TRPM8: variants seen among roughly 807,000 people sequenced by gnomAD.
The protein encoded by TRPM8 is transient receptor potential cation channel subfamily M member 8.
A neutral mutation model predicts 133.7 loss-of-function variants in TRPM8; 110 were observed. The observed-to-expected ratio is 0.82, with a 90% confidence interval of 0.70 to 0.96. The LOEUF (loss-of-function observed/expected upper bound fraction) is 0.96, where lower values mean the gene tolerates loss of function less well. Among genes scored for constraint, TRPM8 ranks in the 40% least tolerant of loss-of-function variants. The probability of loss-of-function intolerance (pLI) is 0.00; values close to 1 mark genes in which losing one functional copy is unlikely to be tolerated. For missense variants in TRPM8, 1,291 were observed against 1,379.5 expected (o/e 0.94, Z 1.02); for synonymous variants, 535 against 532.3 (o/e 1.01, Z -0.07).
rs11563030 is a variant in TRPM8, at chr2:233,988,435, G to A, written c.2939+2570G>A. On this transcript the variant is annotated intron_variant, in intron 21 of 25. Transcript: ENST00000324695. ...TTGAGAATGGCGAACTCTGGAGGGT[G>A]AAGATTGTGCCCGCCATCTCAGCAC... Among the ~76,000 whole-genome samples, 698 of 152,210 alleles carry A rather than the reference G, an allele frequency of 4.6e-3. 9 individuals carry two copies. Among genetic ancestry groups the A allele is most frequent in the African/African-American group, 0.016 (673 of 41,518 alleles).
intron 21 of TRPM8, among the ~76,000 whole-genome samples, chr2:233,993,309 T>G (rs2125336069): frequency 6.6e-6 from 1 of 152,332 alleles, no homozygotes; most frequent in East Asian, 1.9e-4. Context: ...GGCCGTGCAG[T>G]CAACCCAGTT....
At chr2:233,927,914 C>CTCTT (rs1691592087) in intron 2 of TRPM8, among the ~76,000 whole-genome samples, 1 of 52,702 alleles carries the variant, frequency 1.9e-5, no homozygotes, top group Admixed American at 2.3e-4. Context: ...TTCTTTCTCT[C>CTCTT]TCTCTCTCTT....
At chr2:234,014,369 A>G (rs1692909393) in intron 24 of TRPM8, among the ~76,000 whole-genome samples, 193 bp from the exon 25 acceptor site, 1 of 152,206 alleles carries the variant, frequency 6.6e-6, no homozygotes, top group Non-Finnish European at 1.5e-5. Flanking sequence ...TGCTAGTGAT[A>G]TGATTTCAGA....
intron 17 of TRPM8, among the ~76,000 whole-genome samples, chr2:233,972,187 T>C (rs1280464898): frequency 6.6e-6 from 1 of 151,030 alleles, no homozygotes; most frequent in East Asian, 1.9e-4. Context: ...TTACAATCCC[T>C]GAGCTAGACA....
chr2:233,999,760 C>T (rs939956724), intron 22 of TRPM8, among the ~76,000 whole-genome samples: 3 of 152,194 alleles, frequency 2.0e-5, no homozygotes, highest in African/African-American at 7.2e-5. Context: ...TCGAGCAGTC[C>T]CACGTTATCT....
Position 233,947,111 on chromosome 2 carries a change from C to T in TRPM8, c.898C>T (p.Pro300Ser), listed in dbSNP as rs778319070. The change falls in exon 8 of 26, where the codon CCC becomes TCC. Residue 300 changes from proline (P) to serine (S), a missense_variant. Pro to Ser is a moderately conservative substitution (Grantham distance 74). This residue lies in a region of TRPM8 where 963 missense variants were observed against 968.9 expected (regional missense o/e 0.99). Coordinates refer to ENST00000324695, the MANE Select transcript of TRPM8 (RefSeq NM_024080.5). ...IQDSNYGGKIPIVCFAQGGGK... is the reference protein window; with the variant it reads ...IQDSNYGGKISIVCFAQGGGK... Reference sequence around the variant, plus strand: ...AGATTCCAACTATGGTGGCAAGATCCCCATTGTGTGTTTTGCCCAAGGAGG... The same window carrying T: ...AGATTCCAACTATGGTGGCAAGATCTCCATTGTGTGTTTTGCCCAAGGAGG... 3 of 1,614,028 alleles carry T rather than the reference C, an allele frequency of 1.9e-6. No individual in the cohort carries two copies.
At chr2:233,942,878 T>G in intron 6 of TRPM8, 130 bp downstream of exon 6, 7 of 1,062,350 alleles carry the variant, frequency 6.6e-6, no homozygotes, top group Non-Finnish European at 1.0e-5. Context: ...TTTCAAGGAG[T>G]GCCTTTGGGA....
intron 11 of TRPM8, among the ~76,000 whole-genome samples, chr2:233,957,741 C>A (rs544520062): frequency 6.6e-6 from 1 of 152,226 alleles, no homozygotes; most frequent in East Asian, 1.9e-4. Context: ...CATCTCTTCC[C>A]GATTCCATAT....
At chr2:234,002,245 A>G (rs1574783538) in intron 22 of TRPM8, among the ~76,000 whole-genome samples, 1 of 151,928 alleles carries the variant, frequency 6.6e-6, no homozygotes, top group African/African-American at 2.4e-5. Flanking sequence ...GGAGGGAGTT[A>G]AGAGAGGTAG....
At chr2:233,927,216 C>T (rs548090200) in intron 2 of TRPM8, among the ~76,000 whole-genome samples, 6 of 152,248 alleles carry the variant, frequency 3.9e-5, no homozygotes, top group African/African-American at 7.2e-5. Flanking sequence ...TGTTAAAAGT[C>T]GGGATAGCGG....
intron 4 of TRPM8, among the ~76,000 whole-genome samples, chr2:233,938,155 G>A (rs904523403): frequency 6.6e-6 from 1 of 152,166 alleles, no homozygotes; most frequent in Non-Finnish European, 1.5e-5. Context: ...CTTGCTGCCC[G>A]CAGCTCTGCC....
rs547010526 is a variant in TRPM8 at position 233,968,457 on chromosome 2, C to T, written c.2026-1238C>T. Among the ~76,000 whole-genome samples the T allele has an allele frequency of 5.3e-5, 8 of 152,258 alleles. No homozygotes were observed. In the East Asian group the frequency reaches 9.7e-4, roughly 18 times the overall value. ...GTTGCCCGGCCCAGTGCAAAGCAGT[C>T]GGCCATTTACCCACCAACTGCAATT... is the stretch of plus-strand genomic sequence containing the variant. On this transcript the variant is annotated intron_variant, in intron 15 of 25. Coordinates refer to ENST00000324695, the MANE Select transcript of TRPM8 (RefSeq NM_024080.5).
intron 5 of TRPM8, 73 bp downstream of exon 5, chr2:233,939,248 T>TC: frequency 6.5e-7 from 1 of 1,533,576 alleles, no homozygotes; most frequent in Non-Finnish European, 8.9e-7. Flanking sequence ...AGAAGGCAGT[T>TC]CCCGTGTGCA....
chr2:233,996,638 C>A, intron 22 of TRPM8, 122 bp downstream of exon 22: 1 of 939,078 alleles, frequency 1.1e-6, no homozygotes. Flanking sequence ...CACATCTGTA[C>A]ATCTGTAAAG....
chr2:234,008,248 G>C, intron 24 of TRPM8, 145 bp downstream of exon 24: 1 of 794,120 alleles, frequency 1.3e-6, no homozygotes, highest in Non-Finnish European at 2.0e-6. Flanking sequence ...GTGCTGGAAT[G>C]GTATTGCTTC....
In TRPM8 at chr2:233,963,458, C is replaced by T. The variant is rs142048301; in HGVS notation, c.1749+81C>T. On this transcript the variant is annotated intron_variant, in intron 13 of 25. Transcript: ENST00000324695. ...TTCTGATCCTCTCAAAATTCGCATG[C>T]CTAATATAAAACATCATCAGTGAAA... 453 of 794,504 alleles carry T rather than the reference C, an allele frequency of 5.7e-4. 5 individuals carry two copies. The East Asian group carries it at 0.012, about 22-fold the overall frequency. The allele number at this position is 794,504 out of a possible 1,614,324, so 49.2% of individuals were successfully genotyped here. A position where few individuals can be genotyped will look rare whatever the true frequency, so the allele number is the denominator to read the frequency against.
Position 233,930,513 on chromosome 2 carries a change from A to G in TRPM8, c.118-155A>G, listed in dbSNP as rs139675099. On this transcript the variant is annotated intron_variant, in intron 2 of 25. Coordinates refer to ENST00000324695, the MANE Select transcript of TRPM8 (RefSeq NM_024080.5). Reference sequence around the variant, plus strand: ...TTTGCATCTTTAAAAAAAATTTTGTATACTCTAAAGGCATGAACAAATGCT... The same window carrying G: ...TTTGCATCTTTAAAAAAAATTTTGTGTACTCTAAAGGCATGAACAAATGCT... 2.3e-3 allele frequency among the ~76,000 whole-genome samples: 357 copies of G among 152,376 alleles called. 1 individual carries two copies. The highest frequency in any genetic ancestry group is 4.0e-3 in the Non-Finnish European group (269 of 68,032).
rs200774430 is a variant in TRPM8, at chr2:233,939,099, G to C, written c.450G>C (p.Gly150=). 3 of 1,614,010 alleles carry C rather than the reference G, an allele frequency of 1.9e-6. No homozygotes were observed. Among genetic ancestry groups the C allele is most frequent in the African/African-American group, 1.3e-5 (1 of 74,918 alleles). Residue 150 remains glycine (G), a synonymous_variant, in exon 5 of 26, where the codon GGG becomes GGC. Transcript: ENST00000324695. ...CCAACCTGGTCATTTCTGTGACCGGGGGCGCCAAGAACTTCGCCCTGAAGC... is the reference window on the plus strand; with the variant it reads ...CCAACCTGGTCATTTCTGTGACCGGCGGCGCCAAGAACTTCGCCCTGAAGC... ...KTPNLVISVT[G]GAKNFALKPR... is the part of the protein sequence containing the mutation.
chr2:233,978,048 G>A (rs6717651), intron 17 of TRPM8, among the ~76,000 whole-genome samples: 128,933 of 151,820 alleles, frequency 0.85, 54,821 homozygotes, highest in Middle Eastern at 0.9. Flanking sequence ...TTATCCAAAT[G>A]GAATCCTACT....
Sources: gnomAD v4.1 joint callset for allele counts (sites outside exome capture counted in the v4.1 genomes callset) on GRCh38, gnomAD v4.1.1 for gene constraint, gnomAD v4.1.1 regional missense constraint, MANE v1.5 for transcripts, NCBI Gene and HGNC (gene_info 2026-07-23, HGNC 2026-07-21) for gene names.